TSEN2: variants seen among roughly 807,000 people sequenced by gnomAD.
The protein encoded by TSEN2 is tRNA-splicing endonuclease subunit Sen2.
A neutral mutation model predicts 59.2 loss-of-function variants in TSEN2; 54 were observed. The observed-to-expected ratio is 0.91, with a 90% CI of 0.73 to 1.14. The LOEUF is 1.14. Ranked by LOEUF, TSEN2 falls within the 50% of genes most tolerant of loss-of-function variation. The probability of loss-of-function intolerance (pLI) is 0.00; values close to 1 mark genes in which losing one functional copy is unlikely to be tolerated. For synonymous variants in TSEN2, 195 were observed against 198.2 expected (o/e 0.98, Z 0.14); for missense variants, 636 against 576.2 (o/e 1.10, Z -1.06).
At chr3:12,530,768 T>G in intron 10 of TSEN2, 1 of 984,878 alleles carries the variant, frequency 1.0e-6, no homozygotes, top group Non-Finnish European at 1.2e-6. Context: ...ACTTAATATG[T>G]CCTCACTTAA....
At chr3:12,524,480 T>C (rs2056919458) in intron 8 of TSEN2, among the ~76,000 whole-genome samples, 1 of 152,208 alleles carries the variant, frequency 6.6e-6, no homozygotes, top group Non-Finnish European at 1.5e-5. Context: ...TGTGGCTGGT[T>C]ACTGCATCCC....
At chr3:12,502,690 T>TTTTTTTTTTTTTG (rs2054410305) in intron 4 of TSEN2, among the ~76,000 whole-genome samples, 1 of 108,508 alleles carries the variant, frequency 9.2e-6, no homozygotes, top group African/African-American at 4.9e-5. Flanking sequence ...TTTTTTTTTG[T>TTTTTTTTTTTTTG]TTTTTTTTTT....
chr3:12,506,578 C>CAAAAA, intron 6 of TSEN2: 10 of 354,922 alleles, frequency 2.8e-5, no homozygotes, highest in African/African-American at 3.0e-5. Context: ...GATCCTGTTT[C>CAAAAA]AAAAAAAAAA....
chr3:12,511,856 C>A (rs1384380307), intron 6 of TSEN2, among the ~76,000 whole-genome samples: 1 of 152,118 alleles, frequency 6.6e-6, no homozygotes, highest in Non-Finnish European at 1.5e-5. Flanking sequence ...TGTGAGCCAC[C>A]CTGCCTAGGT....
intron 10 of TSEN2, chr3:12,539,136 T>TC (rs1050964301): frequency 6.8e-6 from 3 of 442,366 alleles, no homozygotes; most frequent in African/African-American, 6.3e-5. Context: ...TGTGCTTTTT[T>TC]CTTTTTTTTT....
At chr3:12,505,834 C>T (rs963784376) in intron 6 of TSEN2, among the ~76,000 whole-genome samples, 1 of 146,396 alleles carries the variant, frequency 6.8e-6, no homozygotes, top group African/African-American at 2.5e-5. Flanking sequence ...GGTGTGATGG[C>T]TTATGCCTGT....
rs567108648 is a variant in TSEN2 at position 12,491,918 on chromosome 3, C to T, written c.190-218C>T. Reference sequence around the variant, plus strand: ...GCATTGCATTAGGTATTATAAGTAGCCTAGAGATGACTTAAAGTATATGGG... The same window carrying T: ...GCATTGCATTAGGTATTATAAGTAGTCTAGAGATGACTTAAAGTATATGGG... On this transcript the variant is annotated intron_variant, in intron 2 of 11. Coordinates refer to ENST00000284995, the MANE Select transcript of TSEN2 (RefSeq NM_025265.4). Among the ~76,000 whole-genome samples the T allele has an allele frequency of 3.0e-4, 45 of 152,216 alleles. 1 individual carries two copies. Among genetic ancestry groups the T allele is most frequent in the Admixed American group, 6.5e-4 (10 of 15,298 alleles).
rs1379724870 is a variant in TSEN2 at position 12,533,221 on chromosome 3, G to C, written c.*500G>C. ...CGATAAGCATATCTTCACTGCACTT[G>C]TTATAAAAATGAGTGGTGAAATAAT... On this transcript the variant is annotated 3_prime_UTR_variant, in exon 12 of 12. Coordinates refer to ENST00000284995, the MANE Select transcript of TSEN2 (RefSeq NM_025265.4). The C allele has an allele frequency of 6.3e-6, 1 of 157,520 alleles. No homozygotes were observed. The highest frequency in any genetic ancestry group is 2.4e-5 in the African/African-American group (1 of 41,508). The allele number at this position is 157,520 out of a possible 1,614,324, so 9.8% of individuals were successfully genotyped here. A position where few individuals can be genotyped will look rare whatever the true frequency, so the allele number is the denominator to read the frequency against.
downstream of TSEN2, among the ~76,000 whole-genome samples, chr3:12,537,406 A>C (rs1210013930): frequency 6.6e-6 from 1 of 152,172 alleles, no homozygotes; most frequent in Non-Finnish European, 1.5e-5. Flanking sequence ...CTCCAAGAAA[A>C]TAAATAAATG....
At position 12,532,927 on chromosome 3, in the gene TSEN2, G is replaced by A. The variant is rs571948919; in HGVS notation, c.*206G>A. On this transcript the variant is annotated 3_prime_UTR_variant, in exon 12 of 12. Transcript: ENST00000284995. ...CTAGGACTGCAGATTCTATACTTGC[G>A]TTGGCCTCTAACTCTCCAATCCAGA... The A allele has an allele frequency of 1.7e-4, 103 of 612,182 alleles. No individual in the cohort carries two copies. Among genetic ancestry groups the A allele is most frequent in the African/African-American group, 3.3e-4 (18 of 54,110 alleles). 37.9% of individuals were successfully genotyped at this position (612,182 alleles called of 1,614,324 possible).
chr3:12,486,623 G>A (rs76143653), intron 1 of TSEN2, among the ~76,000 whole-genome samples: 30 of 152,222 alleles, frequency 2.0e-4, no homozygotes, highest in Non-Finnish European at 2.9e-4. Flanking sequence ...TCGTATTCGC[G>A]GAGTTATGTA....
chr3:12,516,558 A>G, intron 6 of TSEN2, 53 bp from the exon 7 acceptor site: 1 of 1,595,994 alleles, frequency 6.3e-7, no homozygotes, highest in Admixed American at 1.7e-5. Flanking sequence ...AAATGGTTTC[A>G]CAAGAATGTG....
At chr3:12,521,827 C>A (rs908706157) in intron 8 of TSEN2, among the ~76,000 whole-genome samples, 2 of 152,058 alleles carry the variant, frequency 1.3e-5, no homozygotes, top group African/African-American at 4.8e-5. Context: ...CTGGCTAACA[C>A]GGTGAAACCC....
At chr3:12,538,755 G>A (rs1442042953) in intron 10 of TSEN2, 1 of 157,854 alleles carries the variant, frequency 6.3e-6, no homozygotes, top group Non-Finnish European at 1.4e-5. Context: ...TTGTTTCAGT[G>A]CACAAACTCC....
In TSEN2 at chr3:12,539,312, TTA is replaced by T. The variant is rs796955979; in HGVS notation, c.1413_1414del (p.Phe471LeufsTer2). 6.1e-4 allele frequency: 202 copies of T among 333,722 alleles called. No individual in the cohort carries two copies. Among genetic ancestry groups the T allele is most frequent in the African/African-American group, 4.0e-3 (175 of 44,298 alleles). 20.7% of individuals were successfully genotyped at this position (333,722 alleles called of 1,614,324 possible). ...CCACACACGGCTAATTTTTGTATTT[TTA>T]GTAGAGACGGGGTTTCACTATGTTG... On this transcript the variant is annotated frameshift_variant, in exon 11 of 11. Coordinates refer to the TSEN2 transcript ENST00000412698. LOFTEE classifies it high-confidence loss of function.
At chr3:12,517,351 C>T (rs1427606419) in intron 7 of TSEN2, among the ~76,000 whole-genome samples, 1 of 26,656 alleles carries the variant, frequency 3.8e-5, no homozygotes, top group Admixed American at 4.3e-4. Context: ...GACCGAGACT[C>T]TGTCTCAAAA....
chr3:12,505,298 C>G, intron 6 of TSEN2, 67 bp downstream of exon 6: 1 of 955,754 alleles, frequency 1.0e-6, no homozygotes, highest in Non-Finnish European at 1.7e-6. Flanking sequence ...ATATGTGAAC[C>G]TACCTCACAG....
intron 6 of TSEN2, 54 bp from the exon 7 acceptor site, chr3:12,516,557 C>T (rs2056140197): frequency 1.3e-6 from 2 of 1,591,094 alleles, no homozygotes; most frequent in South Asian, 2.2e-5. Context: ...AAAATGGTTT[C>T]ACAAGAATGT....
chr3:12,513,660 A>G (rs1311648207), intron 6 of TSEN2, among the ~76,000 whole-genome samples: 1 of 152,228 alleles, frequency 6.6e-6, no homozygotes, highest in African/African-American at 2.4e-5. Context: ...GTTCTGAACC[A>G]AGAAGTGCAA....
Sources: gnomAD v4.1 joint callset for allele counts (sites outside exome capture counted in the v4.1 genomes callset) on GRCh38, gnomAD v4.1.1 for gene constraint, MANE v1.5 for transcripts, NCBI Gene and HGNC (gene_info 2026-07-23, HGNC 2026-07-21) for gene names.